Variants in RPTOR observed in about 807,000 individuals in gnomAD.
RPTOR encodes regulatory-associated protein of mTOR.
In RPTOR, 21 loss-of-function variants were observed where a neutral mutation model predicts 169.9. That is an observed-to-expected ratio of 0.12 (90% CI 0.09 to 0.18). RPTOR has a LOEUF of 0.18. RPTOR is among the 10% of genes least tolerant of loss of function. RPTOR has a pLI of 1.00. For missense variants in RPTOR, 1,133 were observed against 1,855.9 expected, an observed-to-expected ratio of 0.61 and a Z score of 7.16; for synonymous variants, 732 against 753.2, an observed-to-expected ratio of 0.97 and a Z score of 0.46.
At chr17:80,617,358 T>G (rs2065319585) in intron 1 of RPTOR, among the ~76,000 whole-genome samples, 1 of 152,234 alleles carries the variant, frequency 6.6e-6, no homozygotes, top group African/African-American at 2.4e-5. Context: ...GAGATACAAT[T>G]CACATACCCC....
chr17:80,958,037 C>T (rs1245985461), intron 29 of RPTOR, among the ~76,000 whole-genome samples: 1 of 152,046 alleles, frequency 6.6e-6, no homozygotes, highest in Non-Finnish European at 1.5e-5. Flanking sequence ...GTAGGGTGAC[C>T]AATTGTAAAT....
At chr17:80,916,121 C>G (rs1205745528) in intron 21 of RPTOR, among the ~76,000 whole-genome samples, 1 of 152,144 alleles carries the variant, frequency 6.6e-6, no homozygotes, top group Non-Finnish European at 1.5e-5. Context: ...TACAAGAGCT[C>G]TAACACAAAC....
At chr17:80,872,171 G>A (rs1215631794) in intron 13 of RPTOR, among the ~76,000 whole-genome samples, 2 of 152,222 alleles carry the variant, frequency 1.3e-5, no homozygotes, top group Non-Finnish European at 2.9e-5. Context: ...GGGCTGTTGA[G>A]GGGACACATT....
At chr17:80,897,033 G>A (rs1179219216) in intron 20 of RPTOR, among the ~76,000 whole-genome samples, 3 of 152,336 alleles carry the variant, frequency 2.0e-5, no homozygotes, top group South Asian at 4.1e-4. Flanking sequence ...GGCGGAGGCC[G>A]AGACGGGCGG....
chr17:80,808,612 C>G (rs1201622504), intron 7 of RPTOR, among the ~76,000 whole-genome samples: 1 of 152,178 alleles, frequency 6.6e-6, no homozygotes, highest in African/African-American at 2.4e-5. Flanking sequence ...ACCACTGTGC[C>G]CGTGGAGCCA....
chr17:80,669,750 C>T (rs943468873), intron 3 of RPTOR, among the ~76,000 whole-genome samples: 5 of 152,272 alleles, frequency 3.3e-5, no homozygotes, highest in African/African-American at 1.2e-4. Flanking sequence ...CAGACCTCTC[C>T]ATGGAGGGAC....
At chr17:80,585,529 G>A (rs1255906674) in intron 1 of RPTOR, among the ~76,000 whole-genome samples, 2 of 152,140 alleles carry the variant, frequency 1.3e-5, no homozygotes, top group African/African-American at 2.4e-5. Context: ...CCTCAGTGCC[G>A]TGGAGGCGCA....
In RPTOR at chr17:80,655,642, T is replaced by A. The variant is rs536707109; in HGVS notation, c.348+11832T>A. Among the ~76,000 whole-genome samples the A allele has an allele frequency of 9.2e-5, 14 of 151,596 alleles. No individual in the cohort carries two copies. The South Asian group carries it at 2.7e-3, about 29-fold the overall frequency. On this transcript the variant is annotated intron_variant, in intron 3 of 33. Transcript: ENST00000306801. Reference sequence around the variant, plus strand: ...CTCAGGCTGGAGTGCGGTGGTGTGATCATGGCTCATTAACCTCGAATTCCT... The same window carrying A: ...CTCAGGCTGGAGTGCGGTGGTGTGAACATGGCTCATTAACCTCGAATTCCT...
intron 20 of RPTOR, among the ~76,000 whole-genome samples, chr17:80,899,350 TTTAAAAC>T (rs1410133288): frequency 6.6e-6 from 1 of 152,264 alleles, no homozygotes. Flanking sequence ...GCAAGAGTCT[TTTAAAAC>T]CTGTCTGCAG....
At position 80,708,794 on chromosome 17, in the gene RPTOR, A is replaced by G; in HGVS notation, c.507+795A>G. On this transcript the variant is annotated intron_variant, in intron 4 of 33. Transcript: ENST00000306801. The surrounding 1 kb of genome is among the most constrained non-coding windows in gnomAD (Gnocchi z 4.2). ...GTGATGCATGAAAAGCAGTTCTTGGAGGGTGCGGTGGCCCCATATGTGCCT... is the reference window on the plus strand; with the variant it reads ...GTGATGCATGAAAAGCAGTTCTTGGGGGGTGCGGTGGCCCCATATGTGCCT... 3.8e-6 allele frequency: 1 copy of G among 266,296 alleles called. No homozygotes were observed. Among genetic ancestry groups the G allele is most frequent in the Non-Finnish European group, 5.8e-6 (1 of 172,336 alleles). The allele number at this position is 266,296 out of a possible 1,614,324, so 16.5% of individuals were successfully genotyped here.
chr17:80,621,849 T>C (rs1211176169), intron 1 of RPTOR, among the ~76,000 whole-genome samples: 1 of 152,158 alleles, frequency 6.6e-6, no homozygotes, highest in East Asian at 1.9e-4. Context: ...GAAAAACAGC[T>C]CTGCCCACCT....
At chr17:80,942,310 C>T (rs1464989985) in intron 25 of RPTOR, among the ~76,000 whole-genome samples, 2 of 151,122 alleles carry the variant, frequency 1.3e-5, no homozygotes, top group Non-Finnish European at 2.9e-5. Flanking sequence ...TGAGCTGGCC[C>T]CTGATGGCCA....
intron 7 of RPTOR, among the ~76,000 whole-genome samples, chr17:80,795,577 A>ATT (rs2067093413): frequency 6.6e-6 from 1 of 151,148 alleles, no homozygotes; most frequent in Admixed American, 6.6e-5. Context: ...TTTTTTTTTA[A>ATT]TTTAAAAGAG....
chr17:80,895,677 G>A (rs1328565260), intron 20 of RPTOR, among the ~76,000 whole-genome samples: 1 of 152,236 alleles, frequency 6.6e-6, no homozygotes, highest in Non-Finnish European at 1.5e-5. Flanking sequence ...TGCACCTTCA[G>A]CTTTTGTAGA....
At chr17:80,650,577 G>A (rs1019325733) in intron 3 of RPTOR, among the ~76,000 whole-genome samples, 2 of 152,238 alleles carry the variant, frequency 1.3e-5, no homozygotes, top group Non-Finnish European at 2.9e-5. Context: ...CCACTTCTTA[G>A]AAATGTAACT....
At chr17:80,930,115 TCAAC>T (rs2068858897) in intron 24 of RPTOR, among the ~76,000 whole-genome samples, 2 of 88,142 alleles carry the variant, frequency 2.3e-5, no homozygotes, top group South Asian at 4.0e-4. Context: ...CAGCTCATCC[TCAAC>T]TCATCCCCAG....
At chr17:80,549,199 A>G (rs547386367) in intron 1 of RPTOR, among the ~76,000 whole-genome samples, 11 of 152,280 alleles carry the variant, frequency 7.2e-5, no homozygotes, top group Non-Finnish European at 1.5e-4. Context: ...ATTATTATCA[A>G]GTTAGTTTGT....
chr17:80,676,827 G>A (rs2065864495), intron 3 of RPTOR, among the ~76,000 whole-genome samples: 1 of 152,182 alleles, frequency 6.6e-6, no homozygotes, highest in Non-Finnish European at 1.5e-5. Context: ...GGAGGTGCAG[G>A]GCTCATCGCT....
intron 32 of RPTOR, 107 bp from the exon 33 acceptor site, chr17:80,962,821 C>A: frequency 6.5e-7 from 1 of 1,546,146 alleles, no homozygotes; most frequent in Non-Finnish European, 8.7e-7. Flanking sequence ...CCGAGCCAGC[C>A]TGTCCCCGTG....
Sources: allele counts gnomAD v4.1 joint callset (sites outside exome capture counted in the v4.1 genomes callset), GRCh38; gene constraint gnomAD v4.1.1; non-coding constraint Gnocchi (gnomAD v3.1); transcripts MANE v1.5; gene names NCBI Gene and HGNC (gene_info 2026-07-23, HGNC 2026-07-21).